SORCS2: variants seen among roughly 807,000 people sequenced by gnomAD.
The protein encoded by SORCS2 is sortilin related VPS10 domain containing receptor 2.
Under a neutral mutation model 141.6 loss-of-function variants are expected in SORCS2, and 100 were observed. The observed-to-expected ratio is 0.71, with a 90% CI of 0.60 to 0.83. The LOEUF is 0.83. Among genes scored for constraint, SORCS2 ranks in the 40% least tolerant of loss-of-function variants. The pLI is 0.00. For synonymous variants in SORCS2, 789 were observed against 676.9 expected (o/e 1.17, Z -2.57); for missense variants, 1,646 against 1,560.2 (o/e 1.05, Z -0.93).
chr4:7,555,178 A>G (rs924779606), intron 3 of SORCS2, among the ~76,000 whole-genome samples: 1 of 152,210 alleles, frequency 6.6e-6, no homozygotes, highest in Non-Finnish European at 1.5e-5. Flanking sequence ...AGTGATGGTA[A>G]TTGCATGAGA....
intron 1 of SORCS2, among the ~76,000 whole-genome samples, chr4:7,240,453 C>A (rs55721025): frequency 6.6e-6 from 1 of 152,142 alleles, no homozygotes; most frequent in South Asian, 2.1e-4. Flanking sequence ...TCTAATTTGC[C>A]GGGGAGCTTG....
intron 1 of SORCS2, among the ~76,000 whole-genome samples, chr4:7,383,813 G>A (rs1723134024): frequency 6.6e-6 from 1 of 152,168 alleles, no homozygotes; most frequent in South Asian, 2.1e-4. Context: ...GGAGTGACGG[G>A]TGAAATTAAA....
chr4:7,671,307 C>T lies in SORCS2; in HGVS notation c.1161+4094C>T, dbSNP rs144350640. On this transcript the variant is annotated intron_variant, in intron 8 of 26. Coordinates refer to ENST00000507866, the MANE Select transcript of SORCS2 (RefSeq NM_020777.3). ...TTTTTGACATAAAAAAGTTACGAGG[C>T]ATACAAAGAAACAGGAAAGTATGAG... Among the ~76,000 whole-genome samples, 433 of 151,360 alleles carry T rather than the reference C, an allele frequency of 2.9e-3. 2 individuals are homozygous for T. The highest frequency in any genetic ancestry group is 0.01 in the Middle Eastern group (3 of 294).
At chr4:7,298,191 T>C (rs1195379746) in intron 1 of SORCS2, among the ~76,000 whole-genome samples, 1 of 152,156 alleles carries the variant, frequency 6.6e-6, no homozygotes, top group Non-Finnish European at 1.5e-5. Context: ...CAAGACCCCC[T>C]GGGGTCCAGG....
At chr4:7,326,384 T>C (rs1719260965) in intron 1 of SORCS2, among the ~76,000 whole-genome samples, 1 of 152,094 alleles carries the variant, frequency 6.6e-6, no homozygotes, top group South Asian at 2.1e-4. Context: ...AGTGCCCCCC[T>C]CTTGGTTGTG....
intron 8 of SORCS2, among the ~76,000 whole-genome samples, chr4:7,670,692 A>G (rs537086312): frequency 6.6e-6 from 1 of 152,290 alleles, no homozygotes; most frequent in African/African-American, 2.4e-5. Flanking sequence ...TGGCATATCA[A>G]AGTCGATTTG....
At chr4:7,577,593 C>G (rs1350034383) in intron 3 of SORCS2, among the ~76,000 whole-genome samples, 1 of 143,188 alleles carries the variant, frequency 7.0e-6, no homozygotes, top group Non-Finnish European at 1.5e-5. Context: ...GCGAAGTCAG[C>G]TAGTGCCATG....
chr4:7,528,583 G>T (rs529143986), intron 2 of SORCS2, among the ~76,000 whole-genome samples: 3 of 151,980 alleles, frequency 2.0e-5, no homozygotes, highest in East Asian at 1.9e-4. Context: ...CTGCCACCTC[G>T]CCCGGCCAAT....
chr4:7,371,604 A>G (rs1010180077), intron 1 of SORCS2, among the ~76,000 whole-genome samples: 1 of 152,090 alleles, frequency 6.6e-6, no homozygotes, highest in African/African-American at 2.4e-5. Flanking sequence ...GAGCCAGCAC[A>G]CTGTGACATG....
chr4:7,646,148 G>A (rs569186665), intron 4 of SORCS2, among the ~76,000 whole-genome samples: 13 of 152,378 alleles, frequency 8.5e-5, no homozygotes, highest in African/African-American at 2.4e-4. Flanking sequence ...CGGCTTAGCC[G>A]AGGAGCAGGA....
intron 2 of SORCS2, among the ~76,000 whole-genome samples, chr4:7,488,198 T>C (rs1010278341): frequency 6.6e-6 from 1 of 152,236 alleles, no homozygotes; most frequent in South Asian, 2.1e-4. Flanking sequence ...GTGGGCCGGC[T>C]GTCTGCTCTC....
At chr4:7,680,839 C>A (rs984577449) in intron 9 of SORCS2, among the ~76,000 whole-genome samples, 1 of 152,158 alleles carries the variant, frequency 6.6e-6, no homozygotes, top group Admixed American at 6.5e-5. Context: ...GAGCCAACTC[C>A]GAGGGTAACC....
At chr4:7,335,789 C>T (rs188610789) in intron 1 of SORCS2, among the ~76,000 whole-genome samples, 72 of 152,292 alleles carry the variant, frequency 4.7e-4, no homozygotes, top group Non-Finnish European at 1.9e-4. Flanking sequence ...TGTGGCGTGG[C>T]GACTGGAACA....
At chr4:7,492,473 T>G (rs907054541) in intron 2 of SORCS2, among the ~76,000 whole-genome samples, 1 of 152,250 alleles carries the variant, frequency 6.6e-6, no homozygotes, top group Admixed American at 6.5e-5. Flanking sequence ...TCATGCATCA[T>G]CTGTTGGTGA....
chr4:7,277,305 G>C (rs1349644034), intron 1 of SORCS2, among the ~76,000 whole-genome samples: 1 of 152,216 alleles, frequency 6.6e-6, no homozygotes, highest in East Asian at 1.9e-4. Context: ...CTGTGACCCT[G>C]GCTGCAAATG....
intron 3 of SORCS2, among the ~76,000 whole-genome samples, chr4:7,569,076 G>A (rs372345533): frequency 6.6e-6 from 1 of 152,220 alleles, no homozygotes; most frequent in Admixed American, 6.5e-5. Flanking sequence ...AGCTACAGGA[G>A]CTCTGGAAGC....
chr4:7,447,155 G>A (rs902997333), intron 2 of SORCS2, among the ~76,000 whole-genome samples: 6 of 152,236 alleles, frequency 3.9e-5, no homozygotes, highest in African/African-American at 1.4e-4. Flanking sequence ...TATGGGCAGA[G>A]TTGGTTCCTT....
chr4:7,269,966 G>C (rs1450766071), intron 1 of SORCS2, among the ~76,000 whole-genome samples: 1 of 152,212 alleles, frequency 6.6e-6, no homozygotes, highest in Admixed American at 6.5e-5. Flanking sequence ...TGCAACCTCT[G>C]CCTCCTGGGG....
intron 4 of SORCS2, among the ~76,000 whole-genome samples, chr4:7,647,571 C>T (rs1024752139): frequency 2.0e-5 from 3 of 152,188 alleles, no homozygotes; most frequent in African/African-American, 7.2e-5. Context: ...ACGTTTGCTG[C>T]AATTGCCCTT....
Sources: gnomAD v4.1 joint callset for allele counts (sites outside exome capture counted in the v4.1 genomes callset) on GRCh38, gnomAD v4.1.1 for gene constraint, MANE v1.5 for transcripts, NCBI Gene and HGNC (gene_info 2026-07-23, HGNC 2026-07-21) for gene names.